The following RPS24 variants were observed in gnomAD, a reference collection of about 807,000 sequenced individuals.
The protein encoded by RPS24 is small ribosomal subunit protein eS24.
For missense variants in RPS24, 100 were observed against 162.5 expected (o/e 0.62, Z 2.09); for synonymous variants, 72 against 55.6 (o/e 1.30, Z -1.31).
At chr10:78,035,073 G>A (rs1847833719) in intron 1 of RPS24, among the ~76,000 whole-genome samples, 1 of 152,192 alleles carries the variant, frequency 6.6e-6, no homozygotes, top group African/African-American at 2.4e-5. Context: ...GGAAATATCA[G>A]TAGTGCTGAG....
At chr10:78,054,724 C>G in exon 5 of RPS24, 1 of 1,551,658 alleles carries the variant, frequency 6.4e-7, no homozygotes, top group Non-Finnish European at 8.7e-7. Context: ...GTGGCCGTTA[C>G]CTGGAGGAAG....
chr10:78,037,902 C>CTTTT (rs55902139), intron 4 of RPS24: 120 of 379,874 alleles, frequency 3.2e-4, no homozygotes, highest in Middle Eastern at 8.5e-4. Flanking sequence ...GTTCTGTGAA[C>CTTTT]TTTTTTTTTT....
At chr10:78,043,387 C>T (rs189530410), downstream of RPS24, among the ~76,000 whole-genome samples, 1 of 152,244 alleles carries the variant, frequency 6.6e-6, no homozygotes, top group Non-Finnish European at 1.5e-5. Flanking sequence ...TTACCAGTGT[C>T]TCACCCATGA....
chr10:78,050,159 CT>C (rs1554843379), intron 4 of RPS24, among the ~76,000 whole-genome samples: 1 of 13,760 alleles, frequency 7.3e-5, no homozygotes, highest in Non-Finnish European at 1.2e-4. Context: ...GAGTCTATGC[CT>C]CTCTCTCTCT....
chr10:78,048,638 A>G (rs977430956), intron 4 of RPS24, among the ~76,000 whole-genome samples: 4 of 151,884 alleles, frequency 2.6e-5, no homozygotes, highest in African/African-American at 9.7e-5. Context: ...TCACGTTGGG[A>G]GGCCAAGATG....
exon 5 of RPS24, chr10:78,054,686 G>T (rs1848133186): frequency 1.3e-6 from 2 of 1,551,586 alleles, no homozygotes; most frequent in Admixed American, 3.9e-5. Flanking sequence ...GTGGCAGATT[G>T]CGGAGGGGCT....
chr10:78,037,508 C>A, intron 4 of RPS24: 1 of 747,640 alleles, frequency 1.3e-6, no homozygotes, highest in Non-Finnish European at 2.0e-6. Context: ...TTGGCCCACC[C>A]CTTGTCAGCT....
intron 4 of RPS24, among the ~76,000 whole-genome samples, chr10:78,050,214 C>T (rs1296383877): frequency 6.6e-6 from 1 of 152,134 alleles, no homozygotes; most frequent in African/African-American, 2.4e-5. Flanking sequence ...TGCCCCATGG[C>T]TGCCACAACC....
At chr10:78,041,191 C>T (rs1298879939), downstream of RPS24, among the ~76,000 whole-genome samples, 1 of 152,058 alleles carries the variant, frequency 6.6e-6, no homozygotes, top group East Asian at 1.9e-4. Context: ...CAGTAGAGAG[C>T]TGAAAGACTT....
intron 4 of RPS24, chr10:78,038,775 G>A (rs60201064): frequency 0.045 from 6,908 of 151,976 alleles, 333 homozygotes; most frequent in East Asian, 0.23. Flanking sequence ...TTGTAGCTGC[G>A]ACTACAGGCA....
At chr10:78,051,108 T>C (rs1300146159) in intron 4 of RPS24, among the ~76,000 whole-genome samples, 1 of 152,190 alleles carries the variant, frequency 6.6e-6, no homozygotes, top group East Asian at 1.9e-4. Context: ...GAGAATCCCT[T>C]GAACCTGGAA....
intron 4 of RPS24, among the ~76,000 whole-genome samples, chr10:78,052,997 A>G (rs1037915004): frequency 4.6e-5 from 7 of 152,012 alleles, no homozygotes; most frequent in Non-Finnish European, 8.8e-5. Flanking sequence ...ACTAAAATAC[A>G]GAAGATTAGC....
intron 4 of RPS24, chr10:78,039,634 A>G (rs983337745): frequency 1.9e-5 from 3 of 158,310 alleles, no homozygotes; most frequent in South Asian, 1.9e-4. Context: ...TAGTAGTCTC[A>G]TATCTGAGGA....
chr10:78,053,974 G>C (rs1035625622), intron 4 of RPS24, among the ~76,000 whole-genome samples: 2 of 152,094 alleles, frequency 1.3e-5, no homozygotes, highest in African/African-American at 4.8e-5. Flanking sequence ...GATTTGAGCT[G>C]AGTTTGGAAA....
chr10:78,037,015 C>T (rs928437151), intron 3 of RPS24, among the ~76,000 whole-genome samples, 179 bp from the exon 4 acceptor site: 3 of 152,186 alleles, frequency 2.0e-5, no homozygotes, highest in Non-Finnish European at 4.4e-5. Flanking sequence ...CTATTCCATA[C>T]CTAAAATCCC....
downstream of RPS24, among the ~76,000 whole-genome samples, chr10:78,043,105 G>A (rs990894679): frequency 1.3e-5 from 2 of 152,120 alleles, no homozygotes; most frequent in African/African-American, 2.4e-5. Context: ...ACGGGTTCAC[G>A]CCATTCTCCT....
chr10:78,056,000 C>T (rs552165146), exon 5 of RPS24: 1 of 152,432 alleles, frequency 6.6e-6, no homozygotes, highest in South Asian at 2.1e-4. Flanking sequence ...ATCCACCCAG[C>T]TCAGCCTCCC....
Position 78,052,359 on chromosome 10 carries a change from G to A in RPS24, c.391-2172G>A, listed in dbSNP as rs143765394. Among the ~76,000 whole-genome samples the A allele has an allele frequency of 3.3e-3, 508 of 152,232 alleles. 1 individual carries two copies. The highest frequency in any genetic ancestry group is 0.012 in the African/African-American group (479 of 41,560). Reference sequence around the variant, plus strand: ...GGTTTTTCTGTCCTTGGAAACTGCTGTCAGGGTTCCCGAGAGACTTTGAAT... The same window carrying A: ...GGTTTTTCTGTCCTTGGAAACTGCTATCAGGGTTCCCGAGAGACTTTGAAT... On this transcript the variant is annotated intron_variant, in intron 4 of 4. Transcript: ENST00000440692.
chr10:78,035,531 C>T lies in RPS24; in HGVS notation c.90C>T (p.Pro30=), dbSNP rs372043585. 65 of 1,613,912 alleles carry T rather than the reference C, an allele frequency of 4.0e-5. No individual in the cohort carries two copies. In the African/African-American group the frequency reaches 4.5e-4, roughly 11 times the overall value. Residue 30 remains proline (P), a synonymous_variant, in exon 3 of 6, where the codon CCC becomes CCT. Coordinates refer to ENST00000372360, the MANE Select transcript of RPS24 (RefSeq NM_033022.4). ...RKQMVIDVLH[P]GKATVPKTEI... ...TTTAGGTCATTGATGTCCTTCACCCCGGGAAGGCGACAGTGCCTAAGACAG... is the reference window on the plus strand; with the variant it reads ...TTTAGGTCATTGATGTCCTTCACCCTGGGAAGGCGACAGTGCCTAAGACAG...
Sources: gnomAD v4.1 joint callset for allele counts (sites outside exome capture counted in the v4.1 genomes callset) on GRCh38, gnomAD v4.1.1 for gene constraint, MANE v1.5 for transcripts, NCBI Gene and HGNC (gene_info 2026-07-23, HGNC 2026-07-21) for gene names.